Variants in NELL1 observed in about 807,000 individuals in gnomAD.
The protein encoded by NELL1 is neural EGFL like 1, also known as protein kinase C-binding protein NELL1.
In NELL1, 76 loss-of-function variants were observed where a neutral mutation model predicts 107.4. The observed-to-expected ratio is 0.71, with a 90% CI of 0.59 to 0.86. The LOEUF is 0.86. Among genes scored for constraint, NELL1 ranks in the 40% least tolerant of loss-of-function variants. The probability of loss-of-function intolerance (pLI) is 0.00; values close to 1 mark genes in which losing one functional copy is unlikely to be tolerated. For synonymous variants in NELL1, 353 were observed against 341.2 expected (o/e 1.03, Z -0.38); for missense variants, 1,024 against 1,005.5 (o/e 1.02, Z -0.25).
chr11:21,093,473 G>A (rs1014589397), intron 12 of NELL1, among the ~76,000 whole-genome samples: 1 of 152,088 alleles, frequency 6.6e-6, no homozygotes, highest in Admixed American at 6.5e-5. Context: ...ACACTGCCAG[G>A]TTCGTCAGGC....
intron 3 of NELL1, among the ~76,000 whole-genome samples, chr11:20,786,963 G>A (rs573647291): frequency 7.4e-6 from 1 of 135,618 alleles, no homozygotes; most frequent in Admixed American, 8.5e-5. Flanking sequence ...AGCCGAGATG[G>A]CGCCACTGCA....
chr11:21,568,324 G>A (rs117965322), intron 17 of NELL1, among the ~76,000 whole-genome samples: 441 of 151,860 alleles, frequency 2.9e-3, no homozygotes, highest in Non-Finnish European at 5.2e-3. Flanking sequence ...TGGAGCTTAC[G>A]GGACTAGCAG....
At chr11:21,348,613 A>G (rs35953146) in intron 14 of NELL1, among the ~76,000 whole-genome samples, 17,710 of 152,218 alleles carry the variant, frequency 0.12, 1,338 homozygotes, top group East Asian at 0.17. Context: ...GAAAAAAAAC[A>G]GTGTTAAAAT....
intron 12 of NELL1, among the ~76,000 whole-genome samples, chr11:21,101,086 G>A (rs969345791): frequency 6.6e-6 from 1 of 151,426 alleles, no homozygotes; most frequent in African/African-American, 2.4e-5. Context: ...GAGAATATGC[G>A]GTGTTTGGAT....
At position 21,404,010 on chromosome 11, in the gene NELL1, C is replaced by CA. The variant is rs765509646; in HGVS notation, c.1645+33062_1645+33063insA. Among the ~76,000 whole-genome samples, 276 of 108,242 alleles carry CA rather than the reference C, an allele frequency of 2.5e-3. 12 individuals are homozygous for CA. The East Asian group carries it at 0.074, about 29-fold the overall frequency. The allele number at this position is 108,242 out of a possible 152,430, so 71.0% of individuals were successfully genotyped here. ...AATATCTCTGTCATTCCTGAACCCC[C>CA]CCCCCCGCAATCAAAACCACTGGAT... On this transcript the variant is annotated intron_variant, in intron 15 of 19. Coordinates refer to ENST00000357134, the MANE Select transcript of NELL1 (RefSeq NM_006157.5).
intron 3 of NELL1, among the ~76,000 whole-genome samples, chr11:20,837,423 G>A (rs949794760): frequency 1.3e-5 from 2 of 152,078 alleles, no homozygotes; most frequent in African/African-American, 4.8e-5. Flanking sequence ...TATACTGATT[G>A]TTATACACAC....
chr11:21,463,037 T>C (rs1413286231), intron 15 of NELL1, among the ~76,000 whole-genome samples: 1 of 152,064 alleles, frequency 6.6e-6, no homozygotes, highest in Non-Finnish European at 1.5e-5. Flanking sequence ...TCATTAAGAA[T>C]AAATTTGCTG....
intron 15 of NELL1, among the ~76,000 whole-genome samples, chr11:21,457,665 G>C (rs1215324614): frequency 6.6e-6 from 1 of 152,064 alleles, no homozygotes. Context: ...ATTTGCTACG[G>C]TTTATGGAAG....
intron 15 of NELL1, among the ~76,000 whole-genome samples, chr11:21,514,286 A>C (rs1855505944): frequency 6.6e-6 from 1 of 152,220 alleles, no homozygotes; most frequent in Non-Finnish European, 1.5e-5. Flanking sequence ...TTAATTCCAA[A>C]TTTTGTGTAT....
chr11:20,939,971 G>A (rs895357085), intron 10 of NELL1, among the ~76,000 whole-genome samples: 2 of 152,130 alleles, frequency 1.3e-5, no homozygotes, highest in African/African-American at 4.8e-5. Flanking sequence ...GGTTGAATGG[G>A]CTCAGCTTAA....
intron 3 of NELL1, among the ~76,000 whole-genome samples, chr11:20,812,801 G>A (rs1006756330): frequency 1.4e-4 from 21 of 151,744 alleles, no homozygotes; most frequent in Admixed American, 1.3e-3. Context: ...GAGGTCAGGA[G>A]ATCGAGACCA....
chr11:20,970,024 G>A (rs1163280127), intron 12 of NELL1, among the ~76,000 whole-genome samples: 2 of 127,988 alleles, frequency 1.6e-5, no homozygotes, highest in East Asian at 2.6e-4. Flanking sequence ...GATCTTCATG[G>A]CGTATATAAA....
intron 15 of NELL1, among the ~76,000 whole-genome samples, chr11:21,503,774 G>A (rs1855209734): frequency 6.6e-6 from 1 of 151,972 alleles, no homozygotes; most frequent in Middle Eastern, 3.2e-3. Flanking sequence ...GTGCTGCAGT[G>A]TACCTGAGTC....
chr11:21,480,511 G>A (rs59438823), intron 15 of NELL1, among the ~76,000 whole-genome samples: 4,561 of 152,124 alleles, frequency 0.03, 224 homozygotes, highest in African/African-American at 0.1. Context: ...TCACAGTGTC[G>A]GCCACGGATA....
At chr11:20,707,993 C>T (rs1367825534) in intron 2 of NELL1, among the ~76,000 whole-genome samples, 1 of 152,202 alleles carries the variant, frequency 6.6e-6, no homozygotes, top group Non-Finnish European at 1.5e-5. Flanking sequence ...GTGGGCTCCA[C>T]CCAGTTGGAG....
chr11:21,046,388 C>T (rs10833440), intron 12 of NELL1, among the ~76,000 whole-genome samples: 28,523 of 152,060 alleles, frequency 0.19, 2,931 homozygotes, highest in East Asian at 0.34. Context: ...TGTGTACTGA[C>T]TGTTTCAGCC....
chr11:21,095,950 T>G (rs1291131766), intron 12 of NELL1, among the ~76,000 whole-genome samples: 2 of 152,134 alleles, frequency 1.3e-5, no homozygotes, highest in African/African-American at 4.8e-5. Context: ...AAGAGAGAGC[T>G]CGTGTAGGGG....
intron 13 of NELL1, among the ~76,000 whole-genome samples, chr11:21,208,890 A>G (rs545299859): frequency 6.6e-6 from 1 of 152,260 alleles, no homozygotes; most frequent in African/African-American, 2.4e-5. Context: ...AAAGACTCAG[A>G]TCTCCAATAC....
At chr11:21,194,618 T>C (rs1857114621) in intron 13 of NELL1, among the ~76,000 whole-genome samples, 1 of 152,114 alleles carries the variant, frequency 6.6e-6, no homozygotes, top group Non-Finnish European at 1.5e-5. Context: ...TCAGCATCAC[T>C]TGGGAACTTA....
Sources: allele counts gnomAD v4.1 joint callset (sites outside exome capture counted in the v4.1 genomes callset), GRCh38; gene constraint gnomAD v4.1.1; transcripts MANE v1.5; gene names NCBI Gene and HGNC (gene_info 2026-07-23, HGNC 2026-07-21).